DCP1B: variants seen among roughly 807,000 people sequenced by gnomAD.
DCP1B encodes decapping mRNA 1B, also known as mRNA-decapping enzyme 1B.
DCP1B carries 47 observed loss-of-function variants against 60.5 expected under a neutral mutation model. That is an observed-to-expected ratio of 0.78 (90% CI 0.61 to 0.99). DCP1B has a LOEUF of 0.99. Among genes scored for constraint, DCP1B ranks in the 50% least tolerant of loss-of-function variants. DCP1B has a pLI of 0.00. For missense variants in DCP1B, 725 were observed against 756.8 expected, an observed-to-expected ratio of 0.96 and a Z score of 0.49; for synonymous variants, 267 against 280.3, an observed-to-expected ratio of 0.95 and a Z score of 0.47.
chr12:1,999,686 T>A (rs965759587), intron 1 of DCP1B, among the ~76,000 whole-genome samples: 1 of 152,104 alleles, frequency 6.6e-6, no homozygotes, highest in Non-Finnish European at 1.5e-5. Flanking sequence ...TGATTGTACC[T>A]CTGCATTCCA....
intron 3 of DCP1B, among the ~76,000 whole-genome samples, chr12:1,987,028 T>G (rs558316190): frequency 4.6e-5 from 7 of 152,152 alleles, no homozygotes; most frequent in Non-Finnish European, 7.3e-5. Flanking sequence ...GGAGAGAAGC[T>G]ACAGAACCAC....
chr12:1,991,306 A>G, intron 3 of DCP1B: 4 of 440,906 alleles, frequency 9.1e-6, no homozygotes, highest in South Asian at 6.5e-5. Context: ...ACATGGTAAA[A>G]TAAATGAAAA....
At chr12:1,984,633 G>GA (rs940486609) in intron 3 of DCP1B, among the ~76,000 whole-genome samples, 2 of 151,788 alleles carry the variant, frequency 1.3e-5, no homozygotes, top group Non-Finnish European at 2.9e-5. Context: ...TTTGAGAGGA[G>GA]AAAAAATAAA....
intron 2 of DCP1B, among the ~76,000 whole-genome samples, chr12:1,996,887 T>TTG (rs1279562683): frequency 2.6e-5 from 4 of 152,178 alleles, no homozygotes; most frequent in East Asian, 3.9e-4. Context: ...GAAAATACAC[T>TTG]TGTGTGTGTG....
intron 1 of DCP1B, among the ~76,000 whole-genome samples, chr12:2,000,940 G>C (rs1258077872): frequency 6.6e-6 from 1 of 152,002 alleles, no homozygotes; most frequent in Non-Finnish European, 1.5e-5. Flanking sequence ...TGGAGGCTGA[G>C]GCAGGAGAAT....
chr12:1,987,904 T>G (rs1244427923), intron 3 of DCP1B, among the ~76,000 whole-genome samples: 1 of 152,208 alleles, frequency 6.6e-6, no homozygotes, highest in Non-Finnish European at 1.5e-5. Flanking sequence ...TTTTCAATGC[T>G]CCTCATATCA....
chr12:1,982,678 AT>A lies in DCP1B; in HGVS notation c.319+10585del, dbSNP rs554170549. 1.8e-4 allele frequency among the ~76,000 whole-genome samples: 27 copies of A among 152,192 alleles called. No individual in the cohort carries two copies. In the South Asian group the frequency reaches 5.0e-3, roughly 28 times the overall value. ...TACTGTGAATAATGCTACTATAAAC[AT>A]TTTTTTGTTCGCATTTTGCTGAGGA... On this transcript the variant is annotated intron_variant, in intron 3 of 8. Coordinates refer to ENST00000280665, the MANE Select transcript of DCP1B (RefSeq NM_152640.5).
At chr12:1,989,155 G>C (rs2038674027) in intron 3 of DCP1B, among the ~76,000 whole-genome samples, 1 of 152,186 alleles carries the variant, frequency 6.6e-6, no homozygotes, top group Non-Finnish European at 1.5e-5. Context: ...AGGCTGAGGT[G>C]GGAAGATCAC....
chr12:1,966,185 A>G (rs905214971), intron 4 of DCP1B: 8 of 152,276 alleles, frequency 5.3e-5, no homozygotes, highest in Non-Finnish European at 1.2e-4. Flanking sequence ...TGAAATACTG[A>G]GGAAAGAACC....
In DCP1B at chr12:2,002,313, G is replaced by A. The variant is rs564041417; in HGVS notation, c.150+1969C>T. Among the ~76,000 whole-genome samples the A allele has an allele frequency of 4.6e-5, 7 of 152,300 alleles. No individual in the cohort carries two copies. The South Asian group carries it at 6.2e-4, about 14-fold the overall frequency. ...CCCATCCACAGTGACAGCACATGGAGACAGTGGTCATAATTAGTTTGCCTC... is the reference window on the plus strand; with the variant it reads ...CCCATCCACAGTGACAGCACATGGAAACAGTGGTCATAATTAGTTTGCCTC... On this transcript the variant is annotated intron_variant, in intron 1 of 8. Coordinates refer to ENST00000280665, the MANE Select transcript of DCP1B (RefSeq NM_152640.5).
At chr12:2,000,854 T>G (rs929096000) in intron 1 of DCP1B, among the ~76,000 whole-genome samples, 3 of 152,132 alleles carry the variant, frequency 2.0e-5, no homozygotes, top group Admixed American at 2.0e-4. Context: ...CTGGCCAACA[T>G]GGTGAAACCC....
Position 1,965,706 on chromosome 12 carries a change from AG to A in DCP1B, c.387-14del. The A allele has an allele frequency of 2.5e-6, 4 of 1,597,400 alleles. No homozygotes were observed. The highest frequency in any genetic ancestry group is 3.4e-6 in the Non-Finnish European group (4 of 1,174,250). On this transcript the variant is annotated splice_polypyrimidine_tract_variant and intron_variant, in intron 4 of 8. Coordinates refer to ENST00000280665, the MANE Select transcript of DCP1B (RefSeq NM_152640.5). ...ATACTGAGTTAGGCTAGAAAAACAGAGGGGAAAATCCACACAAGAAAAGCCA... is the reference window on the plus strand; with the variant it reads ...ATACTGAGTTAGGCTAGAAAAACAGAGGGAAAATCCACACAAGAAAAGCCA...
Position 1,982,760 on chromosome 12 carries a change from G to C in DCP1B, c.319+10504C>G, listed in dbSNP as rs1162837679. Among the ~76,000 whole-genome samples, 3 of 152,070 alleles carry C rather than the reference G, an allele frequency of 2.0e-5. No individual in the cohort carries two copies. In the South Asian group the frequency reaches 6.2e-4, roughly 31 times the overall value. On this transcript the variant is annotated intron_variant, in intron 3 of 8. Transcript: ENST00000280665. ...ATCAATAATTTTCTTTTCTTGAAAT[G>C]TCTTTGCCTTGTTTTGGTATCAGGA... is the stretch of plus-strand genomic sequence containing the variant.
chr12:1,960,437 A>C (rs1256295370), intron 5 of DCP1B, among the ~76,000 whole-genome samples: 9 of 152,064 alleles, frequency 5.9e-5, no homozygotes. Context: ...TCAATTAGAC[A>C]GGAGGAATAA....
chr12:1,953,602 T>C (rs1333758721), intron 6 of DCP1B, among the ~76,000 whole-genome samples: 1 of 152,060 alleles, frequency 6.6e-6, no homozygotes, highest in African/African-American at 2.4e-5. Flanking sequence ...TTATATGCAC[T>C]AAAAAAATAA....
chr12:2,002,762 T>TTA (rs906746885), intron 1 of DCP1B, among the ~76,000 whole-genome samples: 2 of 152,166 alleles, frequency 1.3e-5, no homozygotes, highest in African/African-American at 4.8e-5. Context: ...GATTATAACA[T>TTA]TATACCTTTA....
intron 3 of DCP1B, among the ~76,000 whole-genome samples, chr12:1,984,234 C>G (rs1472362985): frequency 6.6e-6 from 1 of 152,004 alleles, no homozygotes; most frequent in Non-Finnish European, 1.5e-5. Context: ...AACGTAACTA[C>G]CGATATGGTT....
At chr12:1,997,813 T>C in intron 2 of DCP1B, 122 bp downstream of exon 2, 3 of 834,066 alleles carry the variant, frequency 3.6e-6, no homozygotes, top group Admixed American at 2.8e-5. Flanking sequence ...ATTTCAAAAC[T>C]GAGATTTAAT....
Position 1,947,094 on chromosome 12 carries a change from T to A in DCP1B, c.1774-808A>T, listed in dbSNP as rs16928953. The stretch of plus-strand genomic sequence containing the variant: ...CATCAGTACTTCATCAAAGCTAATA[T>A]AAGTCTTCCCATAAGTTATGGAAAG... On this transcript the variant is annotated intron_variant, in intron 8 of 8. Coordinates refer to ENST00000280665, the MANE Select transcript of DCP1B (RefSeq NM_152640.5). Among the ~76,000 whole-genome samples, 666 of 152,344 alleles carry A rather than the reference T, an allele frequency of 4.4e-3. 21 individuals carry two copies. In the East Asian group the frequency reaches 0.083, roughly 19 times the overall value.
Sources: gnomAD v4.1 joint callset for allele counts (sites outside exome capture counted in the v4.1 genomes callset) on GRCh38, gnomAD v4.1.1 for gene constraint, MANE v1.5 for transcripts, NCBI Gene and HGNC (gene_info 2026-07-23, HGNC 2026-07-21) for gene names.